Variants in GRAMD1B observed in about 807,000 individuals in gnomAD.
The protein encoded by GRAMD1B is GRAM domain containing 1B.
GRAMD1B carries 37 observed loss-of-function variants against 99.7 expected under a neutral mutation model. The ratio of observed to expected loss-of-function variants is 0.37; its 90% CI spans 0.29 to 0.49. GRAMD1B has a LOEUF of 0.49. GRAMD1B is among the 20% of genes least tolerant of loss of function. GRAMD1B has a pLI of 0.98. For missense variants in GRAMD1B, 888 were observed against 1,009.2 expected, an observed-to-expected ratio of 0.88 and a Z score of 1.63; for synonymous variants, 427 against 387.6, an observed-to-expected ratio of 1.10 and a Z score of -1.19.
intron 3 of GRAMD1B, among the ~76,000 whole-genome samples, chr11:123,582,087 C>A (rs1046102382): frequency 2.0e-5 from 3 of 152,216 alleles, no homozygotes; most frequent in African/African-American, 4.8e-5. Context: ...ACCTGGGTTG[C>A]ATTTGAGGAA....
rs183756946 is a variant in GRAMD1B at position 123,534,409 on chromosome 11, G to A, written c.453-42958G>A. Reference sequence around the variant, plus strand: ...ATTTGCACGTATTTGGACTTGCACAGTTCAAATCCATGTTGTTCAGGGGTC... The same window carrying A: ...ATTTGCACGTATTTGGACTTGCACAATTCAAATCCATGTTGTTCAGGGGTC... On this transcript the variant is annotated intron_variant, in intron 2 of 19. Transcript: ENST00000635736. Among the ~76,000 whole-genome samples the A allele has an allele frequency of 4.8e-3, 735 of 152,298 alleles. 4 individuals are homozygous for A. The highest frequency in any genetic ancestry group is 0.016 in the African/African-American group (658 of 41,554).
chr11:123,446,176 AT>A lies in GRAMD1B; in HGVS notation c.374+15018del, dbSNP rs374875241. On this transcript the variant is annotated intron_variant, in intron 1 of 19. Coordinates refer to ENST00000635736, the MANE Select transcript of GRAMD1B (RefSeq NM_001387025.1). ...GCCTCTGCAGACTTCTTTTATTATT[AT>A]TTTTTTTAGATGGAGTCTCTCTTTG... Among the ~76,000 whole-genome samples, 6 of 151,304 alleles carry A rather than the reference AT, an allele frequency of 4.0e-5. No homozygotes were observed. The East Asian group carries it at 7.8e-4, about 20-fold the overall frequency.
chr11:123,433,343 A>G (rs1948993982), intron 1 of GRAMD1B, among the ~76,000 whole-genome samples: 1 of 152,142 alleles, frequency 6.6e-6, no homozygotes, highest in Non-Finnish European at 1.5e-5. Flanking sequence ...GCGCCATTGC[A>G]CTCCAGCCTG....
At chr11:123,473,567 C>T (rs573040932) in intron 1 of GRAMD1B, among the ~76,000 whole-genome samples, 1 of 152,282 alleles carries the variant, frequency 6.6e-6, no homozygotes, top group Admixed American at 6.5e-5. Flanking sequence ...CCCACCTCAC[C>T]CAGTCCCAAG....
intron 2 of GRAMD1B, among the ~76,000 whole-genome samples, chr11:123,575,819 G>A (rs944885193): frequency 3.9e-5 from 6 of 152,152 alleles, no homozygotes; most frequent in African/African-American, 7.2e-5. Context: ...GGGCAAAAAC[G>A]GGAAGAGCCT....
intron 1 of GRAMD1B, among the ~76,000 whole-genome samples, chr11:123,365,073 TA>T (rs1472665101): frequency 6.6e-6 from 1 of 152,200 alleles, no homozygotes; most frequent in African/African-American, 2.4e-5. Flanking sequence ...TTAATTGTCA[TA>T]AAAATATTTT....
rs531247160 is a variant in GRAMD1B, at chr11:123,531,911, T to C, written c.453-45456T>C. Among the ~76,000 whole-genome samples the C allele has an allele frequency of 9.2e-5, 14 of 151,986 alleles. No individual in the cohort carries two copies. The East Asian group carries it at 2.7e-3, about 30-fold the overall frequency. On this transcript the variant is annotated intron_variant, in intron 2 of 19. Transcript: ENST00000635736. ...CCACCACGCCTGGCTAATTTTGTAT[T>C]TTTTTAGTAGAGACAGGGTTTCTCT...
intron 9 of GRAMD1B, among the ~76,000 whole-genome samples, chr11:123,604,805 C>T (rs945026595): frequency 2.6e-5 from 4 of 152,142 alleles, no homozygotes; most frequent in South Asian, 2.1e-4. Context: ...TGTTCCTCGA[C>T]GAGCACCCAC....
chr11:123,599,268 T>G (rs182413077), intron 7 of GRAMD1B: 133 of 739,414 alleles, frequency 1.8e-4, no homozygotes, highest in Non-Finnish European at 3.1e-4. Context: ...ATCCTTATCA[T>G]CATACAAATC....
chr11:123,388,408 C>T (rs948553988), intron 1 of GRAMD1B, among the ~76,000 whole-genome samples: 1 of 151,754 alleles, frequency 6.6e-6, no homozygotes, highest in Non-Finnish European at 1.5e-5. Context: ...TGCGGTGGCT[C>T]ACACCTGTAA....
chr11:123,589,474 C>T (rs575551907), intron 4 of GRAMD1B, among the ~76,000 whole-genome samples: 62 of 151,904 alleles, frequency 4.1e-4, no homozygotes, highest in Non-Finnish European at 8.4e-4. Context: ...TTGAGAGTCT[C>T]TCTCTGCCGC....
At chr11:123,594,449 T>G (rs1258542905) in intron 5 of GRAMD1B, among the ~76,000 whole-genome samples, 2 of 152,082 alleles carry the variant, frequency 1.3e-5, no homozygotes, top group Admixed American at 1.3e-4. Flanking sequence ...GGGAGGGAAG[T>G]TAGTTGAATT....
At position 123,480,558 on chromosome 11, in the gene GRAMD1B, G is replaced by A. The variant is rs77651001; in HGVS notation, c.375-258G>A. ...GTTTATATAGCCAGGGAAGAGTGTG[G>A]TAGCAGGGCGAGATGGGCCTCTTCT... On this transcript the variant is annotated intron_variant, in intron 1 of 19. Coordinates refer to ENST00000635736, the MANE Select transcript of GRAMD1B (RefSeq NM_001387025.1). Among the ~76,000 whole-genome samples the A allele has an allele frequency of 3.6e-3, 555 of 152,252 alleles. 5 individuals are homozygous for A. The highest frequency in any genetic ancestry group is 0.013 in the African/African-American group (525 of 41,536).
intron 2 of GRAMD1B, among the ~76,000 whole-genome samples, chr11:123,533,495 C>T (rs1344261126): frequency 6.6e-6 from 1 of 152,008 alleles, no homozygotes; most frequent in Non-Finnish European, 1.5e-5. Context: ...GGGGCAATCT[C>T]AGCTCACTGT....
intron 1 of GRAMD1B, among the ~76,000 whole-genome samples, chr11:123,469,304 A>G (rs1950867231): frequency 6.6e-6 from 1 of 152,122 alleles, no homozygotes. Context: ...TTTCTGTAAG[A>G]CCATTGTTTC....
chr11:123,607,464 A>T (rs974886296), intron 11 of GRAMD1B, among the ~76,000 whole-genome samples: 1 of 152,204 alleles, frequency 6.6e-6, no homozygotes, highest in Admixed American at 6.5e-5. Flanking sequence ...GCATATGAGC[A>T]CGGTGCTCAC....
At chr11:123,613,094 T>G in intron 15 of GRAMD1B, 1 of 562,500 alleles carries the variant, frequency 1.8e-6, no homozygotes, top group Non-Finnish European at 3.1e-6. Flanking sequence ...CATTGAGGGA[T>G]CTATAAAACA....
chr11:123,488,351 C>T (rs531661730), intron 2 of GRAMD1B, among the ~76,000 whole-genome samples: 79 of 152,262 alleles, frequency 5.2e-4, no homozygotes, highest in African/African-American at 1.8e-3. Flanking sequence ...GAGTCCTAGC[C>T]CCTCCGGGGC....
chr11:123,513,437 CT>C (rs1211206430), intron 2 of GRAMD1B, among the ~76,000 whole-genome samples: 3 of 151,864 alleles, frequency 2.0e-5, no homozygotes, highest in Non-Finnish European at 4.4e-5. Flanking sequence ...CCTGACCTGA[CT>C]GTGTTAAAAT....
Sources: allele counts gnomAD v4.1 joint callset (sites outside exome capture counted in the v4.1 genomes callset), GRCh38; gene constraint gnomAD v4.1.1; transcripts MANE v1.5; gene names NCBI Gene and HGNC (gene_info 2026-07-23, HGNC 2026-07-21).